Variants in MAP2K5 observed in about 807,000 individuals in gnomAD.
MAP2K5 encodes dual specificity mitogen-activated protein kinase kinase 5.
MAP2K5 carries 49 observed loss-of-function variants against 83.1 expected under a neutral mutation model. The observed-to-expected ratio is 0.59, with a 90% confidence interval of 0.47 to 0.75. MAP2K5 has a LOEUF of 0.75. MAP2K5 is among the 30% of genes least tolerant of loss of function. The probability of loss-of-function intolerance (pLI) is 0.00; values close to 1 mark genes in which losing one functional copy is unlikely to be tolerated. For synonymous variants in MAP2K5, 202 were observed against 191.8 expected, an observed-to-expected ratio of 1.05 and a Z score of -0.44; for missense variants, 457 against 557.5, an observed-to-expected ratio of 0.82 and a Z score of 1.82.
chr15:67,790,420 C>G lies in MAP2K5; in HGVS notation c.1243-16226C>G, dbSNP rs928939432. Among the ~76,000 whole-genome samples the G allele has an allele frequency of 2.0e-5, 3 of 152,184 alleles. No individual in the cohort carries two copies. The highest frequency in any genetic ancestry group is 4.8e-5 in the African/African-American group (2 of 41,440). ...TGCATTATATCATGCAATAAAAATA[C>G]CCTTTTCATATCACACACTAATAAA... On this transcript the variant is annotated intron_variant, in intron 21 of 21. Transcript: ENST00000178640. The surrounding 1 kb of genome is among the most constrained non-coding windows in gnomAD (Gnocchi z 4.6).
intron 13 of MAP2K5, among the ~76,000 whole-genome samples, chr15:67,683,890 CT>C (rs2087884218): frequency 6.6e-6 from 1 of 152,190 alleles, no homozygotes. Context: ...TATCTTCAAA[CT>C]TTAGACAACA....
intron 1 of MAP2K5, among the ~76,000 whole-genome samples, chr15:67,545,270 C>A (rs2084368765): frequency 1.3e-5 from 2 of 152,194 alleles, no homozygotes; most frequent in Non-Finnish European, 2.9e-5. Context: ...TTTGTCTCCT[C>A]CACTAGATGG....
At chr15:67,626,922 T>C (rs1392174773) in intron 8 of MAP2K5, among the ~76,000 whole-genome samples, 1 of 151,904 alleles carries the variant, frequency 6.6e-6, no homozygotes, top group African/African-American at 2.4e-5. Flanking sequence ...AATAATTGAT[T>C]AAGTTTTATT....
In MAP2K5 at chr15:67,750,870, C is replaced by G. The variant is rs1211369809; in HGVS notation, c.1134+2269C>G. 1.3e-5 allele frequency among the ~76,000 whole-genome samples: 2 copies of G among 152,032 alleles called. No individual in the cohort carries two copies. The highest frequency in any genetic ancestry group is 2.9e-5 in the Non-Finnish European group (2 of 68,018). On this transcript the variant is annotated intron_variant, in intron 19 of 21. Coordinates refer to ENST00000178640, the MANE Select transcript of MAP2K5 (RefSeq NM_145160.3). This position sits in a 1 kb window ranked among gnomAD's most constrained non-coding sequence, Gnocchi z 4.2. ...CCCGTTGTGAAGTGGGTATCTGTTG[C>G]TAGTATATACTATTTCCTGTTAGAG...
At chr15:67,650,770 G>C (rs1189944317) in intron 11 of MAP2K5, among the ~76,000 whole-genome samples, 2 of 152,146 alleles carry the variant, frequency 1.3e-5, no homozygotes, top group Non-Finnish European at 2.9e-5. Context: ...ATATTTATGA[G>C]GGACATTGGT....
chr15:67,715,610 T>A (rs1373191808), intron 16 of MAP2K5, among the ~76,000 whole-genome samples: 2 of 152,318 alleles, frequency 1.3e-5, no homozygotes, highest in East Asian at 3.9e-4. Context: ...CATACTCATA[T>A]CATGTATACA....
chr15:67,805,548 G>A (rs2090786426), intron 21 of MAP2K5, among the ~76,000 whole-genome samples: 1 of 152,230 alleles, frequency 6.6e-6, no homozygotes, highest in South Asian at 2.1e-4. Flanking sequence ...AGCCCAGCCT[G>A]TGCAGGTGGA....
chr15:67,739,462 ATTTTTTTTTTTTTTTTTTTTTTTT>A (rs1168539325), intron 17 of MAP2K5, among the ~76,000 whole-genome samples: 21 of 27,078 alleles, frequency 7.8e-4, no homozygotes, highest in African/African-American at 2.0e-3. Context: ...ATATATATAT[ATTTTTTTTTTTTTTTTTTTTTTTT>A]TTTTTTTTTT....
chr15:67,789,653 T>G (rs1214396284), intron 21 of MAP2K5, among the ~76,000 whole-genome samples: 1 of 151,444 alleles, frequency 6.6e-6, no homozygotes, highest in Non-Finnish European at 1.5e-5. Flanking sequence ...AGGTGGAGGT[T>G]GCAGTGAGCC....
intron 17 of MAP2K5, among the ~76,000 whole-genome samples, chr15:67,744,786 G>A (rs2089567884): frequency 6.6e-6 from 1 of 152,166 alleles, no homozygotes; most frequent in African/African-American, 2.4e-5. Flanking sequence ...TTCCTTTCTA[G>A]CATCATTTTT....
At chr15:67,709,255 C>T (rs943156073) in intron 16 of MAP2K5, among the ~76,000 whole-genome samples, 25 of 152,114 alleles carry the variant, frequency 1.6e-4, no homozygotes, top group African/African-American at 6.0e-4. Context: ...GTTCTTTCTC[C>T]TTGAAACTTT....
intron 13 of MAP2K5, among the ~76,000 whole-genome samples, chr15:67,673,209 T>A (rs1041980583): frequency 4.6e-5 from 7 of 152,174 alleles, no homozygotes; most frequent in East Asian, 3.9e-4. Context: ...CTTTTTTTTT[T>A]AATCTTTTTG....
chr15:67,566,632 G>T (rs2084845634), intron 3 of MAP2K5, among the ~76,000 whole-genome samples: 1 of 152,148 alleles, frequency 6.6e-6, no homozygotes, highest in Non-Finnish European at 1.5e-5. Context: ...TAAATAAACA[G>T]CCTATATCTC....
chr15:67,775,560 A>C lies in MAP2K5; in HGVS notation c.1242+2808A>C, dbSNP rs950646790. On this transcript the variant is annotated intron_variant, in intron 21 of 21. Transcript: ENST00000178640. This position sits in a 1 kb window ranked among gnomAD's most constrained non-coding sequence, Gnocchi z 5.3. ...TTGTGCACAGTCTTGTTCTAGACTC[A>C]GCAGAAGATATAAAGTAGAGGAAGC... 6.6e-6 allele frequency among the ~76,000 whole-genome samples: 1 copy of C among 152,258 alleles called. No homozygotes were observed. Among genetic ancestry groups the C allele is most frequent in the African/African-American group, 2.4e-5 (1 of 41,474 alleles).
chr15:67,628,266 G>A (rs2086373841), intron 8 of MAP2K5: 3 of 563,780 alleles, frequency 5.3e-6, no homozygotes, highest in Non-Finnish European at 9.5e-6. Context: ...CAGATCACGA[G>A]GTCAGGGATT....
At chr15:67,787,457 T>C (rs2090439783) in intron 21 of MAP2K5, among the ~76,000 whole-genome samples, 1 of 152,238 alleles carries the variant, frequency 6.6e-6, no homozygotes, top group Non-Finnish European at 1.5e-5. Context: ...ATGTTTGACT[T>C]CTCTAAAAGT....
chr15:67,701,121 T>C (rs890771668), intron 15 of MAP2K5, among the ~76,000 whole-genome samples: 2 of 152,022 alleles, frequency 1.3e-5, no homozygotes, highest in Non-Finnish European at 2.9e-5. Flanking sequence ...TTGGTACCTG[T>C]TAATCAGTAG....
chr15:67,679,020 A>G (rs1347651523), intron 13 of MAP2K5, among the ~76,000 whole-genome samples: 3 of 151,532 alleles, frequency 2.0e-5, no homozygotes, highest in Non-Finnish European at 2.9e-5. Flanking sequence ...GGGTCCCTAT[A>G]CAAAGCACAT....
intron 16 of MAP2K5, among the ~76,000 whole-genome samples, chr15:67,718,533 G>A (rs55873788): frequency 6.6e-6 from 1 of 151,976 alleles, no homozygotes; most frequent in Admixed American, 6.6e-5. Flanking sequence ...GGAGGCTGAG[G>A]TGGGTGGATC....
Sources: allele counts gnomAD v4.1 joint callset (sites outside exome capture counted in the v4.1 genomes callset), GRCh38; gene constraint gnomAD v4.1.1; non-coding constraint Gnocchi (gnomAD v3.1); transcripts MANE v1.5; gene names NCBI Gene and HGNC (gene_info 2026-07-23, HGNC 2026-07-21).